Variants in FHOD3 observed in about 807,000 individuals in gnomAD.
FHOD3 encodes the protein FH1/FH2 domain-containing protein 3.
Under a neutral mutation model 173.0 loss-of-function variants are expected in FHOD3, and 90 were observed. The observed-to-expected ratio is 0.52, with a 90% CI of 0.44 to 0.62. The LOEUF is 0.62. FHOD3 is among the 20% of genes least tolerant of loss of function. FHOD3 has a pLI of 0.00. For missense variants in FHOD3, 1,945 were observed against 2,034.7 expected (o/e 0.96, Z 0.85); for synonymous variants, 828 against 823.0 (o/e 1.01, Z -0.10).
At chr18:36,779,407 T>C (rs560457791) in intron 28 of FHOD3, 41 bp from the exon 29 acceptor site, 11 of 1,598,850 alleles carry the variant, frequency 6.9e-6, no homozygotes, top group East Asian at 2.2e-5. Context: ...TACTTCCTTT[T>C]CTTCTCATCC....
At chr18:36,357,496 C>G (rs2046416259) in intron 2 of FHOD3, among the ~76,000 whole-genome samples, 1 of 152,166 alleles carries the variant, frequency 6.6e-6, no homozygotes, top group Non-Finnish European at 1.5e-5. Flanking sequence ...TGAGGATACC[C>G]TTCTTGTCTC....
At chr18:36,634,883 G>A (rs915874258) in intron 10 of FHOD3, among the ~76,000 whole-genome samples, 9 of 152,148 alleles carry the variant, frequency 5.9e-5, no homozygotes, top group South Asian at 2.1e-4. Flanking sequence ...TTGTGCACCC[G>A]CATAAACATG....
In FHOD3 at chr18:36,310,701, A is replaced by G. The variant is rs573815102; in HGVS notation, c.165+12701A>G. 9.1e-3 allele frequency among the ~76,000 whole-genome samples: 1,380 copies of G among 151,322 alleles called. 17 individuals are homozygous for G. The highest frequency in any genetic ancestry group is 0.032 in the African/African-American group (1,305 of 41,116). ...AGACTCCATCTCAAAAAAAAAAAAA[A>G]GAAAAGAAAAAAAAAAGAAATGTCA... On this transcript the variant is annotated intron_variant, in intron 1 of 28. Transcript: ENST00000590592.
chr18:36,411,750 G>T (rs549287057), intron 3 of FHOD3, among the ~76,000 whole-genome samples: 28 of 152,320 alleles, frequency 1.8e-4, no homozygotes, highest in African/African-American at 5.5e-4. Flanking sequence ...AAAGGGTGAA[G>T]AACCAAGATT....
intron 3 of FHOD3, among the ~76,000 whole-genome samples, chr18:36,472,093 C>A (rs1054083951): frequency 1.3e-5 from 2 of 151,902 alleles, no homozygotes; most frequent in African/African-American, 2.4e-5. Flanking sequence ...ATATTAATTG[C>A]AAATTCCACT....
intron 3 of FHOD3, among the ~76,000 whole-genome samples, chr18:36,482,856 C>CAGAGAGAGAGAGAG (rs1198142796): frequency 4.7e-5 from 3 of 64,064 alleles, no homozygotes; most frequent in Admixed American, 1.8e-4. Context: ...CTCACACACA[C>CAGAGAGAGAGAGAG]ACAGAGAGAG....
Position 36,501,943 on chromosome 18 carries a change from A to C in FHOD3, c.349A>C (p.Asn117His), listed in dbSNP as rs1474603611. The C allele has an allele frequency of 7.5e-6, 12 of 1,603,174 alleles. No individual in the cohort carries two copies. Among genetic ancestry groups the C allele is most frequent in the Non-Finnish European group, 1.0e-5 (12 of 1,173,894 alleles). The part of the protein sequence containing the change: ...RVHACIEKLY[N>H]SSGRDLRRAL... Reference sequence around the variant, plus strand: ...ATTCTTTATTTCAGAAAAACTATACAACTCCAGCGGACGAGATTTGAGAAG... The same window carrying C: ...ATTCTTTATTTCAGAAAAACTATACCACTCCAGCGGACGAGATTTGAGAAG... The change falls in exon 4 of 29, where the codon AAC becomes CAC. Residue 117 changes from asparagine to histidine, a missense_variant. Transcript: ENST00000590592.
At chr18:36,528,175 A>T (rs1201094250) in intron 5 of FHOD3, among the ~76,000 whole-genome samples, 1 of 152,178 alleles carries the variant, frequency 6.6e-6, no homozygotes, top group Non-Finnish European at 1.5e-5. Context: ...GTGTAGGGGG[A>T]GAACAAACCT....
At chr18:36,596,031 G>A (rs1358068404) in intron 7 of FHOD3, among the ~76,000 whole-genome samples, 1 of 152,190 alleles carries the variant, frequency 6.6e-6, no homozygotes, top group Non-Finnish European at 1.5e-5. Flanking sequence ...TTTCCTTATA[G>A]TTGTGTGTGT....
In FHOD3 at chr18:36,297,942, A is replaced by G; in HGVS notation, c.107A>G (p.Asp36Gly). ...CCGCCGCTGTTCACGTTCCGCGAGGACCTCGCGCTCGGCACCCAGCTGGCG... is the reference window on the plus strand; with the variant it reads ...CCGCCGCTGTTCACGTTCCGCGAGGGCCTCGCGCTCGGCACCCAGCTGGCG... ...SRPPLFTFRE[D>G]LALGTQLAGV... The change falls in exon 1 of 29, where the codon GAC becomes GGC. Residue 36 changes from aspartate to glycine, a missense_variant. By Grantham distance (94) the Asp-to-Gly change is moderately conservative. Around this residue, in one of 5 missense-constraint regions of FHOD3, gnomAD observed 245 missense variants for 267.7 expected, o/e 0.92. Transcript: ENST00000590592. 1 of 1,565,076 alleles carries G rather than the reference A, an allele frequency of 6.4e-7. No homozygotes were observed. Among genetic ancestry groups the G allele is most frequent in the Non-Finnish European group, 8.6e-7 (1 of 1,156,634 alleles).
At position 36,780,031 on chromosome 18, in the gene FHOD3, TACTA is replaced by T. The variant is rs774342550; in HGVS notation, c.*503_*506del. 1.7e-4 allele frequency: 128 copies of T among 741,450 alleles called. No homozygotes were observed. The highest frequency in any genetic ancestry group is 1.7e-3 in the Middle Eastern group (4 of 2,334). The allele number at this position is 741,450 out of a possible 1,614,324, so 45.9% of individuals were successfully genotyped here. ...ACATACATGTACACCATGTTTCAAATACTAAATAAATAGAGTTTAATGCCATAAT... is the reference window on the plus strand; with the variant it reads ...ACATACATGTACACCATGTTTCAAATAATAAATAGAGTTTAATGCCATAAT... On this transcript the variant is annotated 3_prime_UTR_variant, in exon 29 of 29. Coordinates refer to ENST00000590592, the MANE Select transcript of FHOD3 (RefSeq NM_001281740.3).
At chr18:36,720,915 T>C in intron 19 of FHOD3, among the ~76,000 whole-genome samples, 1 of 152,082 alleles carries the variant, frequency 6.6e-6, no homozygotes, top group Non-Finnish European at 1.5e-5. Flanking sequence ...AGGAATAAAA[T>C]GGAGTAAAAG....
intron 1 of FHOD3, among the ~76,000 whole-genome samples, chr18:36,328,608 T>C (rs73949434): frequency 0.055 from 8,324 of 152,040 alleles, 471 homozygotes; most frequent in African/African-American, 0.13. Context: ...CCTCTGGCTG[T>C]TGGGTGGAGA....
intron 3 of FHOD3, among the ~76,000 whole-genome samples, chr18:36,379,011 C>G (rs2047599713): frequency 6.6e-6 from 1 of 152,168 alleles, no homozygotes; most frequent in African/African-American, 2.4e-5. Context: ...TGCTGGGAAC[C>G]ATTCAGTTCT....
At chr18:36,403,860 A>G (rs773068695) in intron 3 of FHOD3, among the ~76,000 whole-genome samples, 3 of 152,176 alleles carry the variant, frequency 2.0e-5, no homozygotes, top group Admixed American at 6.5e-5. Flanking sequence ...GGTGTCCTTT[A>G]AAAGTTTTTC....
At chr18:36,558,387 A>G (rs2057970460) in intron 5 of FHOD3, among the ~76,000 whole-genome samples, 1 of 152,212 alleles carries the variant, frequency 6.6e-6, no homozygotes, top group African/African-American at 2.4e-5. Context: ...TGTCTTGAAA[A>G]GAGTTATATT....
chr18:36,526,572 A>G (rs1201969959), intron 5 of FHOD3, among the ~76,000 whole-genome samples: 8 of 151,844 alleles, frequency 5.3e-5, no homozygotes, highest in Admixed American at 4.6e-4. Context: ...GCTAATTTTT[A>G]TATTTATTTT....
At chr18:36,566,578 C>T (rs1428165389) in intron 5 of FHOD3, among the ~76,000 whole-genome samples, 1 of 152,086 alleles carries the variant, frequency 6.6e-6, no homozygotes, top group Non-Finnish European at 1.5e-5. Flanking sequence ...AGAAGGTGTT[C>T]CAGCTTCAGC....
chr18:36,745,199 C>G (rs2042092063), intron 23 of FHOD3, among the ~76,000 whole-genome samples: 1 of 152,198 alleles, frequency 6.6e-6, no homozygotes, highest in African/African-American at 2.4e-5. Context: ...ACCTCCAGAG[C>G]CACAGGCTGG....
Sources: allele counts gnomAD v4.1 joint callset (sites outside exome capture counted in the v4.1 genomes callset), GRCh38; gene constraint gnomAD v4.1.1; regional missense constraint gnomAD v4.1.1; transcripts MANE v1.5; gene names NCBI Gene and HGNC (gene_info 2026-07-23, HGNC 2026-07-21).